The following ERG variants were observed in gnomAD, a reference collection of about 807,000 sequenced individuals.
ERG encodes the protein transcriptional regulator ERG.
A neutral mutation model predicts 55.3 loss-of-function variants in ERG; 9 were observed. The observed-to-expected ratio is 0.16, with a 90% CI of 0.10 to 0.28. The LOEUF is 0.28. Ranked by LOEUF, ERG falls within the 10% of genes least tolerant of loss-of-function variation. The probability of loss-of-function intolerance (pLI) is 1.00; values close to 1 mark genes in which losing one functional copy is unlikely to be tolerated. For missense variants in ERG, 434 were observed against 631.6 expected, an observed-to-expected ratio of 0.69 and a Z score of 3.35; for synonymous variants, 223 against 237.3, an observed-to-expected ratio of 0.94 and a Z score of 0.55.
intron 2 of ERG, among the ~76,000 whole-genome samples, chr21:38,553,133 G>T (rs1454466334): frequency 1.3e-5 from 2 of 152,034 alleles, no homozygotes; most frequent in African/African-American, 4.8e-5. Context: ...CAGATAACTG[G>T]GGAGTGAAAA....
intron 1 of ERG, among the ~76,000 whole-genome samples, chr21:38,576,621 C>A (rs1468231908): frequency 6.6e-6 from 1 of 152,234 alleles, no homozygotes; most frequent in South Asian, 2.1e-4. Flanking sequence ...GTGCCCTCCC[C>A]TTCCACCGAG....
At chr21:38,578,471 C>T (rs1479595546) in intron 1 of ERG, among the ~76,000 whole-genome samples, 2 of 152,114 alleles carry the variant, frequency 1.3e-5, no homozygotes, top group African/African-American at 2.4e-5. Flanking sequence ...TATTTTTGGG[C>T]GGCCTATATG....
At chr21:38,527,904 C>T in intron 2 of ERG, among the ~76,000 whole-genome samples, 1 of 152,230 alleles carries the variant, frequency 6.6e-6, no homozygotes, top group Non-Finnish European at 1.5e-5. Context: ...GTATGCGTTT[C>T]CCAGGGGTGC....
chr21:38,616,934 C>T (rs2060262612), intron 1 of ERG, among the ~76,000 whole-genome samples: 1 of 152,070 alleles, frequency 6.6e-6, no homozygotes, highest in Non-Finnish European at 1.5e-5. Flanking sequence ...CTGGAGATTC[C>T]CAAAGTAAAT....
intron 1 of ERG, among the ~76,000 whole-genome samples, chr21:38,624,125 T>C (rs1275215116): frequency 3.3e-5 from 5 of 152,068 alleles, no homozygotes; most frequent in Admixed American, 6.6e-5. Context: ...CAGCCCCCAC[T>C]CCTACTTTCT....
At chr21:38,597,340 A>T (rs2060137201) in intron 1 of ERG, among the ~76,000 whole-genome samples, 1 of 152,204 alleles carries the variant, frequency 6.6e-6, no homozygotes, top group Non-Finnish European at 1.5e-5. Flanking sequence ...CCATACATAG[A>T]TATCTCATTT....
rs1242385112 is a variant in ERG, at chr21:38,380,685, G to A, written c.*2718C>T. 9.4e-7 allele frequency: 1 copy of A among 1,064,750 alleles called. No individual in the cohort carries two copies. The highest frequency in any genetic ancestry group is 5.0e-5 in the East Asian group (1 of 20,020). The allele number at this position is 1,064,750 out of a possible 1,614,324, so 66.0% of individuals were successfully genotyped here. A position where few individuals can be genotyped will look rare whatever the true frequency, so the allele number is the denominator to read the frequency against. On this transcript the variant is annotated 3_prime_UTR_variant, in exon 10 of 10. Coordinates refer to ENST00000288319, the MANE Select transcript of ERG (RefSeq NM_182918.4). ...CAATTTAAGAATTATGTATTTGAAGGAACTCAGTATTATCATGTTATCCAA... is the reference window on the plus strand; with the variant it reads ...CAATTTAAGAATTATGTATTTGAAGAAACTCAGTATTATCATGTTATCCAA...
At chr21:38,458,196 C>T (rs544327974) in intron 1 of ERG, among the ~76,000 whole-genome samples, 50 of 152,190 alleles carry the variant, frequency 3.3e-4, no homozygotes, top group African/African-American at 1.2e-3. Flanking sequence ...GAGGCCAAGA[C>T]GGGCAGATCA....
At chr21:38,410,979 G>A (rs1396058116) in intron 3 of ERG, among the ~76,000 whole-genome samples, 2 of 152,178 alleles carry the variant, frequency 1.3e-5, no homozygotes, top group African/African-American at 4.8e-5. Flanking sequence ...AGCCTAGTGA[G>A]GTGTTTGTTT....
intron 1 of ERG, among the ~76,000 whole-genome samples, chr21:38,604,280 T>C (rs1234996861): frequency 6.6e-6 from 1 of 151,824 alleles, no homozygotes; most frequent in Non-Finnish European, 1.5e-5. Flanking sequence ...GTACTAGTTT[T>C]ATGTCTTAAT....
intron 2 of ERG, 76 bp from the exon 3 acceptor site, chr21:38,423,637 G>A (rs184132147): frequency 8.2e-6 from 12 of 1,460,310 alleles, no homozygotes; most frequent in Admixed American, 7.8e-5. Context: ...ACAATACACA[G>A]AGAGAACCAA....
chr21:38,478,695 C>T (rs2059211076), intron 1 of ERG, among the ~76,000 whole-genome samples: 1 of 152,186 alleles, frequency 6.6e-6, no homozygotes. Flanking sequence ...GAATGAGTAA[C>T]ACCTGAATAT....
chr21:38,474,151 C>G (rs958525684), intron 1 of ERG: 2 of 152,236 alleles, frequency 1.3e-5, no homozygotes, highest in Middle Eastern at 3.4e-3. Flanking sequence ...TTGTTGGTCC[C>G]GACTCCACCA....
chr21:38,373,250 A>G, the ERG span, among the ~76,000 whole-genome samples: 1 of 152,174 alleles, frequency 6.6e-6, no homozygotes, highest in Admixed American at 6.5e-5. Flanking sequence ...ATCTTTTCCC[A>G]TTAATGGGAT....
intron 2 of ERG, among the ~76,000 whole-genome samples, chr21:38,569,624 A>C (rs1432988722): frequency 6.6e-6 from 1 of 152,188 alleles, no homozygotes; most frequent in Non-Finnish European, 1.5e-5. Flanking sequence ...AATAAGAAGC[A>C]AACACCTTTG....
chr21:38,576,773 G>T (rs1275439521), intron 1 of ERG, among the ~76,000 whole-genome samples: 3 of 152,010 alleles, frequency 2.0e-5, no homozygotes, highest in Non-Finnish European at 1.5e-5. Flanking sequence ...GAGGAGAGGG[G>T]TATCTCTTCC....
chr21:38,579,102 C>T (rs2060012561), intron 1 of ERG, among the ~76,000 whole-genome samples: 1 of 152,132 alleles, frequency 6.6e-6, no homozygotes, highest in Non-Finnish European at 1.5e-5. Context: ...TTCCCAGAGC[C>T]CTTCCCAGGA....
At chr21:38,420,726 T>C (rs569592795) in intron 3 of ERG, among the ~76,000 whole-genome samples, 1 of 152,318 alleles carries the variant, frequency 6.6e-6, no homozygotes, top group East Asian at 1.9e-4. Context: ...CTGAAAAGGA[T>C]ATTTATGACA....
intron 2 of ERG, among the ~76,000 whole-genome samples, chr21:38,430,876 C>G (rs757380113): frequency 3.9e-5 from 6 of 152,174 alleles, no homozygotes; most frequent in Non-Finnish European, 7.3e-5. Context: ...CAATCTCACA[C>G]TTTTCCATGG....
Sources: allele counts gnomAD v4.1 joint callset (sites outside exome capture counted in the v4.1 genomes callset), GRCh38; gene constraint gnomAD v4.1.1; transcripts MANE v1.5; gene names NCBI Gene and HGNC (gene_info 2026-07-23, HGNC 2026-07-21).